The following INTS3 variants were observed in gnomAD, a reference collection of about 807,000 sequenced individuals.
INTS3 encodes SOSS complex subunit A.
In INTS3, 34 loss-of-function variants were observed where a neutral mutation model predicts 146.3. The ratio of observed to expected loss-of-function variants is 0.23; its 90% CI spans 0.18 to 0.31. The LOEUF (loss-of-function observed/expected upper bound fraction) is 0.31. INTS3 is among the 10% of genes least tolerant of loss of function. The pLI, the probability that INTS3 is intolerant of heterozygous loss-of-function variation, is 1.00. For synonymous variants in INTS3, 475 were observed against 494.9 expected (o/e 0.96, Z 0.53); for missense variants, 757 against 1,304.2 (o/e 0.58, Z 6.46).
intron 1 of INTS3, among the ~76,000 whole-genome samples, chr1:153,730,238 G>C (rs547106242): frequency 3.9e-5 from 6 of 152,304 alleles, no homozygotes; most frequent in South Asian, 2.1e-4. Flanking sequence ...TGGGCATTCA[G>C]GTAAATCAGT....
intron 9 of INTS3, among the ~76,000 whole-genome samples, chr1:153,755,636 G>C (rs536437264): frequency 6.6e-6 from 1 of 152,286 alleles, no homozygotes; most frequent in African/African-American, 2.4e-5. Flanking sequence ...TTCCTAATCA[G>C]CTTTCCCAAG....
At position 153,748,754 on chromosome 1, in the gene INTS3, A is replaced by C. The variant is rs1671845881; in HGVS notation, c.583A>C (p.Arg195=). 4.3e-6 allele frequency: 7 copies of C among 1,613,870 alleles called. No individual in the cohort carries two copies. Among genetic ancestry groups the C allele is most frequent in the Non-Finnish European group, 5.9e-6 (7 of 1,179,692 alleles). ...ESVLDILTEQ[R]EWVLKSSILI... ...TGTTCTGGATATCCTGACAGAGCAAAGGTAGCATCCACCACGAAGGGTGGG... is the reference window on the plus strand; with the variant it reads ...TGTTCTGGATATCCTGACAGAGCAACGGTAGCATCCACCACGAAGGGTGGG... Residue 195 remains arginine (R), a splice_region_variant and synonymous_variant, in exon 6 of 30, where the codon AGG becomes CGG. Transcript: ENST00000318967.
intron 3 of INTS3, among the ~76,000 whole-genome samples, chr1:153,746,097 AT>A (rs1242311568): frequency 6.6e-6 from 1 of 152,218 alleles, no homozygotes; most frequent in Non-Finnish European, 1.5e-5. Flanking sequence ...ATTCAAAAAA[AT>A]ATCAGTTTTG....
At chr1:153,736,868 A>G (rs1357495344) in intron 1 of INTS3, among the ~76,000 whole-genome samples, 1 of 143,236 alleles carries the variant, frequency 7.0e-6, no homozygotes, top group Admixed American at 7.4e-5. Flanking sequence ...GGTTCACACC[A>G]TTCTCCTGCC....
rs1261146671 is a variant in INTS3 at position 153,740,768 on chromosome 1, C to G, written c.234+34C>G. On this transcript the variant is annotated intron_variant, in intron 2 of 29. Transcript: ENST00000318967. ...AATGCTGTCCCTGCAGCCACTGCTG[C>G]TGCTGTGAAGGTCTTGAAACATGGT... 3 of 1,512,866 alleles carry G rather than the reference C, an allele frequency of 2.0e-6. No homozygotes were observed. In the African/African-American group the frequency reaches 4.1e-5, roughly 21 times the overall value. 93.7% of individuals were successfully genotyped at this position (1,512,866 alleles called of 1,614,324 possible).
At chr1:153,760,194 T>C (rs1337431423) in intron 11 of INTS3, 117 bp from the exon 12 acceptor site, 2 of 698,608 alleles carry the variant, frequency 2.9e-6, no homozygotes, top group Admixed American at 5.5e-5. Flanking sequence ...ATCGTACCAT[T>C]TGCACTCCAG....
Position 153,774,329 on chromosome 1 carries a change from A to T in INTS3, c.*1059A>T. 6.6e-6 allele frequency: 1 copy of T among 152,122 alleles called. No individual in the cohort carries two copies. The highest frequency in any genetic ancestry group is 2.1e-4 in the South Asian group (1 of 4,824). The allele number at this position is 152,122 out of a possible 1,614,324, so 9.4% of individuals were successfully genotyped here. A position where few individuals can be genotyped will look rare whatever the true frequency, so the allele number is the denominator to read the frequency against. On this transcript the variant is annotated 3_prime_UTR_variant, in exon 30 of 30. Transcript: ENST00000318967. ...CGTAGGATGAGGCCTGTCCTTACTC[A>T]TTTCTCAAGAAACAAGATGCTTCCA...
At chr1:153,738,099 T>G (rs1240325692) in intron 1 of INTS3, among the ~76,000 whole-genome samples, 1 of 152,056 alleles carries the variant, frequency 6.6e-6, no homozygotes, top group Non-Finnish European at 1.5e-5. Flanking sequence ...ATCATAATAT[T>G]TATATCATAA....
Position 153,757,837 on chromosome 1 carries a change from A to C in INTS3, c.1149+74A>C. On this transcript the variant is annotated intron_variant, in intron 10 of 29. Coordinates refer to ENST00000318967, the MANE Select transcript of INTS3 (RefSeq NM_023015.5). The surrounding 1 kb of genome is among the most constrained non-coding windows in gnomAD (Gnocchi z 4.0). Reference sequence around the variant, plus strand: ...TCCCATGTTTCCATTCTTCTTCCTGACTCCAGGGCCACTTGACCCCTAAGG... The same window carrying C: ...TCCCATGTTTCCATTCTTCTTCCTGCCTCCAGGGCCACTTGACCCCTAAGG... The C allele has an allele frequency of 7.6e-7, 1 of 1,321,834 alleles. No homozygotes were observed. The highest frequency in any genetic ancestry group is 2.3e-5 in the East Asian group (1 of 42,858). The allele number at this position is 1,321,834 out of a possible 1,614,324, so 81.9% of individuals were successfully genotyped here.
At chr1:153,731,623 C>T (rs1296412889) in intron 1 of INTS3, among the ~76,000 whole-genome samples, 1 of 141,380 alleles carries the variant, frequency 7.1e-6, no homozygotes, top group Non-Finnish European at 1.5e-5. Context: ...CACTCTGTCG[C>T]CCAGGCTGGA....
In INTS3 at chr1:153,763,334, G is replaced by T. The variant is rs1282977359; in HGVS notation, c.1738G>T (p.Asp580Tyr). Residue 580 changes from aspartate to tyrosine, a missense_variant, in exon 16 of 30, where the codon GAC becomes TAC. This residue lies in a region of INTS3 where 89 missense variants were observed against 210.9 expected (regional missense o/e 0.42). Transcript: ENST00000318967. ...YLDQLDESLRDKVLQLQKGSD... is the reference protein window; with the variant it reads ...YLDQLDESLRYKVLQLQKGSD... Reference sequence around the variant, plus strand: ...TGACCAGTTGGATGAGTCCCTGAGGGACAAAGTACTCCAGCTACAGAAGGG... The same window carrying T: ...TGACCAGTTGGATGAGTCCCTGAGGTACAAAGTACTCCAGCTACAGAAGGG... 2.5e-6 allele frequency: 4 copies of T among 1,614,184 alleles called. No homozygotes were observed. Among genetic ancestry groups the T allele is most frequent in the Non-Finnish European group, 3.4e-6 (4 of 1,180,024 alleles).
intron 3 of INTS3, among the ~76,000 whole-genome samples, chr1:153,745,252 G>C (rs540736262): frequency 7.3e-5 from 11 of 151,666 alleles, no homozygotes; most frequent in African/African-American, 2.7e-4. Flanking sequence ...CACCTCCTGG[G>C]TTCAAGTGAT....
intron 1 of INTS3, among the ~76,000 whole-genome samples, chr1:153,731,101 A>G (rs2101769366): frequency 6.6e-6 from 1 of 152,268 alleles, no homozygotes; most frequent in South Asian, 2.1e-4. Flanking sequence ...TGATAGGAAA[A>G]CAGGTTGGAG....
At chr1:153,732,532 G>C (rs1242840124) in intron 1 of INTS3, among the ~76,000 whole-genome samples, 2 of 150,988 alleles carry the variant, frequency 1.3e-5, no homozygotes, top group African/African-American at 4.9e-5. Context: ...TGAAACCTCT[G>C]CCTCCTGTGT....
At position 153,729,903 on chromosome 1, in the gene INTS3, A is replaced by C. The variant is rs1382458313; in HGVS notation, c.150+1119A>C. On this transcript the variant is annotated intron_variant, in intron 1 of 29. Transcript: ENST00000318967. ...AAAAAGAATATGAGATCCAGAGCTGAGACGTGATTGCTTAACTGTTTGTAA... is the reference window on the plus strand; with the variant it reads ...AAAAAGAATATGAGATCCAGAGCTGCGACGTGATTGCTTAACTGTTTGTAA... Among the ~76,000 whole-genome samples the C allele has an allele frequency of 3.3e-5, 5 of 151,084 alleles. No individual in the cohort carries two copies. In the East Asian group the frequency reaches 9.7e-4, roughly 29 times the overall value.
At chr1:153,761,990 C>T (rs563088562) in intron 14 of INTS3, among the ~76,000 whole-genome samples, 2 of 152,346 alleles carry the variant, frequency 1.3e-5, no homozygotes, top group Non-Finnish European at 2.9e-5. Context: ...TTAACTTGCC[C>T]ATCTCTCTTC....
chr1:153,747,214 T>C, intron 4 of INTS3, 65 bp from the exon 5 acceptor site: 1 of 1,449,252 alleles, frequency 6.9e-7, no homozygotes, highest in Non-Finnish European at 9.7e-7. Flanking sequence ...CAGTTGTAAT[T>C]GAATTAGCTC....
rs6663011 is a variant in INTS3 at position 153,772,652 on chromosome 1, G to T, written c.2835G>T (p.Thr945=). The part of the protein sequence containing the change: ...TNTKQNFFSQ[T]PILQALQHVQ... ...TTCTTCCTCTAGTTTTTAGCCAGAC[G>T]CCAATTCTCCAGGCGCTGCAGCATG... The change falls in exon 28 of 30, where the codon ACG becomes ACT. Residue 945 remains threonine (T), a synonymous_variant. Transcript: ENST00000318967. This position sits in a 1 kb window ranked among gnomAD's most constrained non-coding sequence, Gnocchi z 4.6. 1.2e-6 allele frequency: 2 copies of T among 1,614,020 alleles called. No individual in the cohort carries two copies. Among genetic ancestry groups the T allele is most frequent in the Non-Finnish European group, 1.7e-6 (2 of 1,180,008 alleles).
intron 3 of INTS3, among the ~76,000 whole-genome samples, chr1:153,744,497 T>G (rs1358259254): frequency 6.6e-6 from 1 of 152,182 alleles, no homozygotes; most frequent in South Asian, 2.1e-4. Flanking sequence ...CTTTCTTGTT[T>G]CCTTATTTGT....
Sources: gnomAD v4.1 joint callset for allele counts (sites outside exome capture counted in the v4.1 genomes callset) on GRCh38, gnomAD v4.1.1 for gene constraint, gnomAD v4.1.1 regional missense constraint, Gnocchi (gnomAD v3.1) non-coding constraint, MANE v1.5 for transcripts, NCBI Gene and HGNC (gene_info 2026-07-23, HGNC 2026-07-21) for gene names.